NUP133: variants seen among roughly 807,000 people sequenced by gnomAD.
NUP133 encodes the protein nucleoporin 133.
NUP133 carries 66 observed loss-of-function variants against 146.2 expected under a neutral mutation model. The ratio of observed to expected loss-of-function variants is 0.45; its 90% CI spans 0.37 to 0.55. The LOEUF (loss-of-function observed/expected upper bound fraction) is 0.55, where lower values mean the gene tolerates loss of function less well. NUP133 is among the 20% of genes least tolerant of loss of function. The probability of loss-of-function intolerance (pLI) is 0.00; values close to 1 mark genes in which losing one functional copy is unlikely to be tolerated. For synonymous variants in NUP133, 521 were observed against 498.8 expected, an observed-to-expected ratio of 1.04 and a Z score of -0.59; for missense variants, 1,277 against 1,374.8, an observed-to-expected ratio of 0.93 and a Z score of 1.12.
rs756508355 is a variant in NUP133, at chr1:229,498,172, A to G, written c.783T>C (p.Ser261=). The change falls in exon 6 of 26, where the codon TCT becomes TCC. Residue 261 remains serine (S), a synonymous_variant. Transcript: ENST00000261396. ...TACTAGGAGATAAAATTCCAAAAAGAGAAGAAACTTTTCGACCAATTCCTG... is the reference window on the plus strand; with the variant it reads ...TACTAGGAGATAAAATTCCAAAAAGGGAAGAAACTTTTCGACCAATTCCTG... ...MLSGIGRKVS[S]LFGILSPSSD... 4 of 1,610,784 alleles carry G rather than the reference A, an allele frequency of 2.5e-6. No individual in the cohort carries two copies. Among genetic ancestry groups the G allele is most frequent in the African/African-American group, 1.3e-5 (1 of 74,680 alleles).
At chr1:229,462,943 T>C (rs1168944403) in intron 19 of NUP133, among the ~76,000 whole-genome samples, 10 of 152,186 alleles carry the variant, frequency 6.6e-5, no homozygotes. Flanking sequence ...CTTAAAGTAG[T>C]CTTCTATGCT....
Position 229,466,665 on chromosome 1 carries a change from T to G in NUP133, c.2168A>C (p.Glu723Ala). The G allele has an allele frequency of 1.9e-6, 3 of 1,614,086 alleles. No homozygotes were observed. In the African/African-American group the frequency reaches 4.0e-5, roughly 22 times the overall value. Residue 723 changes from glutamate to alanine, a missense_variant, in exon 16 of 26, where the codon GAA becomes GCA. Coordinates refer to ENST00000261396, the MANE Select transcript of NUP133 (RefSeq NM_018230.3). ...AATATTGTTCACATTGATCACCACT[T>G]CAGCCCATTCAATGGAATCCATAGG... ...DAPMDSIEWAEVVINVNNILK... is the reference protein window; with the variant it reads ...DAPMDSIEWAAVVINVNNILK...
intron 16 of NUP133, among the ~76,000 whole-genome samples, chr1:229,465,892 C>CCA (rs1553257780): frequency 1.3e-5 from 1 of 77,378 alleles, no homozygotes; most frequent in African/African-American, 4.4e-5. Flanking sequence ...CCATGTCTCA[C>CCA]AAAAAAAAAA....
chr1:229,470,451 CT>C, intron 15 of NUP133, 128 bp downstream of exon 15: 1 of 743,672 alleles, frequency 1.3e-6, no homozygotes, highest in Non-Finnish European at 2.2e-6. Flanking sequence ...GCCAGAAAAT[CT>C]GGAGTCCAAT....
chr1:229,453,876 T>C (rs1264448875), intron 21 of NUP133, among the ~76,000 whole-genome samples: 5 of 152,172 alleles, frequency 3.3e-5, no homozygotes, highest in South Asian at 2.1e-4. Context: ...AATGATAAAA[T>C]AGACTACATA....
At chr1:229,493,844 T>G (rs1476037946) in intron 8 of NUP133, among the ~76,000 whole-genome samples, 1 of 152,152 alleles carries the variant, frequency 6.6e-6, no homozygotes, top group African/African-American at 2.4e-5. Flanking sequence ...GTGAAAAATG[T>G]CTGCATGGCC....
rs1169297930 is a variant in NUP133 at position 229,442,774 on chromosome 1, C to G, written c.3335-734G>C. 4.7e-5 allele frequency among the ~76,000 whole-genome samples: 7 copies of G among 148,718 alleles called. No homozygotes were observed. In the East Asian group the frequency reaches 1.4e-3, roughly 29 times the overall value. On this transcript the variant is annotated intron_variant, in intron 25 of 25. Transcript: ENST00000261396. ...TGCTGGCCAGGCAATGGCGCGATCT[C>G]GGCTCACAGCAACCTCTGCCTTCTG...
chr1:229,455,842 G>C (rs1285275292), intron 21 of NUP133, among the ~76,000 whole-genome samples: 1 of 152,100 alleles, frequency 6.6e-6, no homozygotes, highest in Admixed American at 6.5e-5. Flanking sequence ...CATCAATACA[G>C]TTATATCATC....
intron 21 of NUP133, among the ~76,000 whole-genome samples, chr1:229,456,392 CCT>C (rs1660559570): frequency 2.0e-5 from 3 of 152,054 alleles, no homozygotes; most frequent in African/African-American, 7.2e-5. Flanking sequence ...TTTCACTGAC[CCT>C]CTCCCTTTTT....
chr1:229,478,837 G>C (rs181343845), intron 12 of NUP133, among the ~76,000 whole-genome samples: 10 of 152,302 alleles, frequency 6.6e-5, no homozygotes, highest in Admixed American at 3.3e-4. Context: ...GTCACAGTCT[G>C]TTCCAGTGTC....
At position 229,481,921 on chromosome 1, in the gene NUP133, T is replaced by G. The variant is rs1661221807; in HGVS notation, c.1592+2133A>C. ...TGTGAGAGAAGACACTTGCGTTGTT[T>G]GAAGCTCCTGGCTTGTGGTGATTTG... is the stretch of plus-strand genomic sequence containing the variant. On this transcript the variant is annotated intron_variant, in intron 12 of 25. Transcript: ENST00000261396. Among the ~76,000 whole-genome samples the G allele has an allele frequency of 2.0e-5, 3 of 152,188 alleles. No individual in the cohort carries two copies. The South Asian group carries it at 6.2e-4, about 31-fold the overall frequency.
At chr1:229,454,440 C>T (rs756646390) in intron 21 of NUP133, among the ~76,000 whole-genome samples, 5 of 152,178 alleles carry the variant, frequency 3.3e-5, no homozygotes, top group Admixed American at 6.5e-5. Context: ...CCTAGAAAAT[C>T]AGACTGGGAG....
intron 21 of NUP133, among the ~76,000 whole-genome samples, chr1:229,453,059 G>T (rs1222687039): frequency 6.6e-6 from 1 of 151,996 alleles, no homozygotes; most frequent in South Asian, 2.1e-4. Context: ...AATAACAAGG[G>T]GGATGGGCCA....
At chr1:229,459,003 T>A (rs968309649) in intron 20 of NUP133, among the ~76,000 whole-genome samples, 2 of 152,146 alleles carry the variant, frequency 1.3e-5, no homozygotes, top group Non-Finnish European at 2.9e-5. Context: ...CTTTTAAATT[T>A]AAAAAAATTA....
rs114688143 is a variant in NUP133 at position 229,443,091 on chromosome 1, G to A, written c.3335-1051C>T. ...CACCCAGGCTGGAGTGGAATGGTAC[G>A]ATCGTAGCTCACTGTAGCTTCAATC... On this transcript the variant is annotated intron_variant, in intron 25 of 25. Transcript: ENST00000261396. Among the ~76,000 whole-genome samples, 1,383 of 152,050 alleles carry A rather than the reference G, an allele frequency of 9.1e-3. 20 individuals carry two copies. Among genetic ancestry groups the A allele is most frequent in the African/African-American group, 0.031 (1,305 of 41,458 alleles).
Position 229,466,577 on chromosome 1 carries a change from C to T in NUP133, c.2199+57G>A, listed in dbSNP as rs75669908. On this transcript the variant is annotated intron_variant, in intron 16 of 25. Transcript: ENST00000261396. The stretch of plus-strand genomic sequence containing the variant: ...AGAGTAGGAACATGGAAACCAGTTC[C>T]TTGTCTATCCATGCCCTGGGCTTTG... 136 of 1,597,584 alleles carry T rather than the reference C, an allele frequency of 8.5e-5. 1 individual carries two copies. The African/African-American group carries it at 1.6e-3, about 19-fold the overall frequency.
chr1:229,486,254 T>A, intron 11 of NUP133, 117 bp downstream of exon 11: 1 of 869,906 alleles, frequency 1.1e-6, no homozygotes, highest in Non-Finnish European at 1.7e-6. Flanking sequence ...GCCAGGAGTT[T>A]GGGGCTGCAA....
chr1:229,445,056 T>A, intron 24 of NUP133, 54 bp from the exon 25 acceptor site: 1 of 1,244,508 alleles, frequency 8.0e-7, no homozygotes, highest in Non-Finnish European at 1.2e-6. Flanking sequence ...ATAGCTGAAT[T>A]AAATGATTTG....
At position 229,470,585 on chromosome 1, in the gene NUP133, T is replaced by C. The variant is rs1384629165; in HGVS notation, c.2071A>G (p.Arg691Gly). Residue 691 changes from arginine (R) to glycine (G), a missense_variant, in exon 15 of 26, where the codon AGG becomes GGG. Arg to Gly is a moderately radical substitution (Grantham distance 125). This residue lies in a region of NUP133 where 952 missense variants were observed against 1,047.0 expected (regional missense o/e 0.91). Transcript: ENST00000261396. Reference sequence around the variant, plus strand: ...TGAAAGAGGACTCATCTTACCTCCCTGAAAAAGACATCTGCAGGAGTCAGG... The same window carrying C: ...TGAAAGAGGACTCATCTTACCTCCCCGAAAAAGACATCTGCAGGAGTCAGG... ...SNLTPADVFF[R>G]EVSQVDTICE... 1 of 1,613,626 alleles carries C rather than the reference T, an allele frequency of 6.2e-7. No homozygotes were observed. Among genetic ancestry groups the C allele is most frequent in the African/African-American group, 1.3e-5 (1 of 74,912 alleles).
Sources: allele counts gnomAD v4.1 joint callset (sites outside exome capture counted in the v4.1 genomes callset), GRCh38; gene constraint gnomAD v4.1.1; regional missense constraint gnomAD v4.1.1; transcripts MANE v1.5; gene names NCBI Gene and HGNC (gene_info 2026-07-23, HGNC 2026-07-21).